OR56A3: variants seen among roughly 807,000 people sequenced by gnomAD.
OR56A3 encodes olfactory receptor family 56 subfamily A member 3, also known as olfactory receptor 56A3.
In OR56A3, 23 loss-of-function variants were observed where a neutral mutation model predicts 17.5. The observed-to-expected ratio is 1.32, with a 90% confidence interval of 0.95 to 1.87. The LOEUF (loss-of-function observed/expected upper bound fraction) is 1.87. Among genes scored for constraint, OR56A3 ranks in the 40% most tolerant of loss-of-function variants. OR56A3 has a pLI of 0.00. For missense variants in OR56A3, 366 were observed against 380.1 expected (o/e 0.96, Z 0.31); for synonymous variants, 175 against 150.6 (o/e 1.16, Z -1.19).
the OR56A3 span, among the ~76,000 whole-genome samples, chr11:6,010,816 A>C: frequency 1.2e-5 from 1 of 86,296 alleles, no homozygotes; most frequent in African/African-American, 5.2e-5. Context: ...TCAAGACAGA[A>C]ATGTGTGTGT....
At chr11:5,977,113 G>A in the OR56A3 span, among the ~76,000 whole-genome samples, 1 of 152,110 alleles carries the variant, frequency 6.6e-6, no homozygotes, top group Non-Finnish European at 1.5e-5. Context: ...CCAACCCACT[G>A]TTGATGGGCA....
the OR56A3 span, chr11:5,967,778 T>C: frequency 1.9e-6 from 3 of 1,590,102 alleles, no homozygotes; most frequent in South Asian, 2.3e-5. Flanking sequence ...TACCTAGAGC[T>C]TTGGCCATAT....
chr11:5,976,775 A>G, the OR56A3 span, among the ~76,000 whole-genome samples: 1 of 151,926 alleles, frequency 6.6e-6, no homozygotes, highest in Non-Finnish European at 1.5e-5. Flanking sequence ...TACATGGATA[A>G]ATTTCATGTC....
At chr11:5,985,241 CT>C in the OR56A3 span, among the ~76,000 whole-genome samples, 8 of 152,112 alleles carry the variant, frequency 5.3e-5, no homozygotes, top group Admixed American at 4.6e-4. Context: ...ATACGCAGTA[CT>C]TGGTCTTATT....
At chr11:6,002,532 C>A in the OR56A3 span, 21 of 1,614,046 alleles carry the variant, frequency 1.3e-5, no homozygotes, top group Non-Finnish European at 1.8e-5. Context: ...AAAGGCATTC[C>A]GGGCTATAAC....
chr11:5,952,237 G>GGTTGCC (rs1422606613), downstream of OR56A3, among the ~76,000 whole-genome samples: 4 of 152,316 alleles, frequency 2.6e-5, no homozygotes, highest in African/African-American at 9.6e-5. Context: ...GGTGCAAGGC[G>GGTTGCC]GTTGCCACTT....
chr11:6,009,212 C>T, the OR56A3 span, among the ~76,000 whole-genome samples: 103,206 of 151,962 alleles, frequency 0.68, 35,353 homozygotes, highest in East Asian at 0.93. Flanking sequence ...CAGACTCTGC[C>T]GTTGATTTTT....
At chr11:6,007,846 C>A in the OR56A3 span, among the ~76,000 whole-genome samples, 1 of 152,194 alleles carries the variant, frequency 6.6e-6, no homozygotes, top group Non-Finnish European at 1.5e-5. Flanking sequence ...TTCCTGTGAA[C>A]CTTTCTCATG....
chr11:6,018,265 G>A, the OR56A3 span, among the ~76,000 whole-genome samples: 7 of 151,958 alleles, frequency 4.6e-5, no homozygotes, highest in Non-Finnish European at 7.4e-5. Flanking sequence ...CATTTTATCC[G>A]ACAGCTGTAG....
At chr11:5,986,654 A>C in the OR56A3 span, 1 of 1,613,946 alleles carries the variant, frequency 6.2e-7, no homozygotes. Context: ...GCAGTGGAGG[A>C]GGCCAGAACC....
At chr11:5,989,703 A>C in the OR56A3 span, among the ~76,000 whole-genome samples, 1 of 152,240 alleles carries the variant, frequency 6.6e-6, no homozygotes, top group Non-Finnish European at 1.5e-5. Context: ...TAATAGGTAC[A>C]CTAAAAAGCC....
At chr11:6,018,704 T>C in the OR56A3 span, among the ~76,000 whole-genome samples, 1 of 151,464 alleles carries the variant, frequency 6.6e-6, no homozygotes, top group African/African-American at 2.4e-5. Context: ...AGAATAGAAC[T>C]TTAAAAAGCC....
intron 2 of OR56A3, 67 bp from the exon 3 acceptor site, chr11:5,947,244 G>A: frequency 1.8e-6 from 2 of 1,110,158 alleles, no homozygotes; most frequent in Non-Finnish European, 2.5e-6. Context: ...TTGTACCTAT[G>A]ACAAACAAAT....
chr11:5,943,461 C>G (rs913502285), intron 1 of OR56A3: 2 of 148,824 alleles, frequency 1.3e-5, no homozygotes, highest in African/African-American at 5.0e-5. Context: ...TTTGTGACCC[C>G]TGGAGAAGAA....
downstream of OR56A3, among the ~76,000 whole-genome samples, chr11:5,951,513 G>C (rs1310138236): frequency 6.6e-6 from 1 of 152,030 alleles, no homozygotes; most frequent in Non-Finnish European, 1.5e-5. Context: ...AAACCAAATA[G>C]GTGTTATTCA....
the OR56A3 span, chr11:6,000,357 G>A: frequency 3.9e-5 from 6 of 152,070 alleles, no homozygotes; most frequent in African/African-American, 7.2e-5. Context: ...GCAAACTATC[G>A]CAAGGACAAA....
At chr11:6,010,360 T>C in the OR56A3 span, among the ~76,000 whole-genome samples, 2 of 152,184 alleles carry the variant, frequency 1.3e-5, no homozygotes, top group African/African-American at 2.4e-5. Context: ...AAAAGGTACA[T>C]TGAAACTCAA....
the OR56A3 span, chr11:5,985,800 T>C: frequency 1.4e-6 from 1 of 732,992 alleles, no homozygotes; most frequent in Admixed American, 3.0e-5. Flanking sequence ...TCTGTGGGTG[T>C]TCTTTAGCAT....
chr11:5,968,623 A>G, the OR56A3 span: 13 of 700,072 alleles, frequency 1.9e-5, no homozygotes, highest in East Asian at 2.7e-5. Context: ...TATGAGATAC[A>G]GATGACCAAT....
Sources: gnomAD v4.1 joint callset for allele counts (sites outside exome capture counted in the v4.1 genomes callset) on GRCh38, gnomAD v4.1.1 for gene constraint, MANE v1.5 for transcripts, NCBI Gene and HGNC (gene_info 2026-07-23, HGNC 2026-07-21) for gene names.